TMOD3: variants seen among roughly 807,000 people sequenced by gnomAD.
TMOD3 encodes tropomodulin 3.
A neutral mutation model predicts 39.2 loss-of-function variants in TMOD3; 20 were observed. The observed-to-expected ratio is 0.51, with a 90% CI of 0.36 to 0.74. The LOEUF (loss-of-function observed/expected upper bound fraction) is 0.74. Ranked by LOEUF, TMOD3 falls within the 30% of genes least tolerant of loss-of-function variation. TMOD3 has a pLI of 0.00. For missense variants in TMOD3, 381 were observed against 412.8 expected, an observed-to-expected ratio of 0.92 and a Z score of 0.67; for synonymous variants, 143 against 145.8, an observed-to-expected ratio of 0.98 and a Z score of 0.14.
chr15:51,896,167 A>G (rs999836825), intron 6 of TMOD3, among the ~76,000 whole-genome samples: 1 of 152,192 alleles, frequency 6.6e-6, no homozygotes, highest in Non-Finnish European at 1.5e-5. Flanking sequence ...AATTTTTTTT[A>G]ACCTAAATGC....
chr15:51,880,466 C>G (rs1046516342), intron 3 of TMOD3, among the ~76,000 whole-genome samples: 1 of 152,148 alleles, frequency 6.6e-6, no homozygotes, highest in Non-Finnish European at 1.5e-5. Context: ...AGAAAGAAAC[C>G]CTGTGCACGT....
In TMOD3 at chr15:51,893,944, A is replaced by G. The variant is rs752731498; in HGVS notation, c.626A>G (p.Lys209Arg). 4.4e-6 allele frequency: 7 copies of G among 1,599,476 alleles called. No individual in the cohort carries two copies. In the African/African-American group the frequency reaches 9.4e-5, roughly 21 times the overall value. ...HLVEVNLNNI[K>R]NIPIPTLKDF... ...GTTGAAGTTAATTTGAATAATATAA[A>G]GGTAAGTGTGCTAATCAGAGTGGTT... Residue 209 changes from lysine (K) to arginine (R), a missense_variant and splice_region_variant, in exon 6 of 10, where the codon AAG becomes AGG. Physicochemically the swap from Lys to Arg is conservative, Grantham distance 26 (BLOSUM62 2). Coordinates refer to ENST00000308580, the MANE Select transcript of TMOD3 (RefSeq NM_014547.5).
intron 3 of TMOD3, among the ~76,000 whole-genome samples, chr15:51,878,987 ATTTG>A (rs2056519149): frequency 6.6e-6 from 1 of 152,186 alleles, no homozygotes; most frequent in African/African-American, 2.4e-5. Context: ...AATTCTTAAC[ATTTG>A]TTGCAGCTGT....
At chr15:51,836,614 A>G (rs1159980210) in intron 1 of TMOD3, among the ~76,000 whole-genome samples, 1 of 151,528 alleles carries the variant, frequency 6.6e-6, no homozygotes, top group Admixed American at 6.6e-5. Context: ...AGTCCCAGCT[A>G]CCCGGGAGGC....
chr15:51,859,196 A>G (rs1016319138), intron 1 of TMOD3: 54 of 730,852 alleles, frequency 7.4e-5, no homozygotes, highest in African/African-American at 7.3e-4. Flanking sequence ...ACAAACGGCC[A>G]GTCTGATACA....
At chr15:51,866,684 A>G (rs1235593783) in intron 2 of TMOD3, among the ~76,000 whole-genome samples, 12 of 152,178 alleles carry the variant, frequency 7.9e-5, no homozygotes, top group Non-Finnish European at 1.6e-4. Flanking sequence ...GAAGGAAAGT[A>G]ACTTTTTATT....
At chr15:51,895,369 A>G (rs1381447989) in intron 6 of TMOD3, among the ~76,000 whole-genome samples, 1 of 151,870 alleles carries the variant, frequency 6.6e-6, no homozygotes, top group Non-Finnish European at 1.5e-5. Context: ...ACAGGCATCC[A>G]CCACCACACC....
intron 1 of TMOD3, among the ~76,000 whole-genome samples, chr15:51,850,124 C>T (rs1416262676): frequency 6.6e-6 from 1 of 151,880 alleles, no homozygotes; most frequent in African/African-American, 2.4e-5. Flanking sequence ...TAAAGTGGAG[C>T]CAAGAAGTAG....
At chr15:51,872,762 C>T (rs1346693043) in intron 3 of TMOD3, among the ~76,000 whole-genome samples, 1 of 151,954 alleles carries the variant, frequency 6.6e-6, no homozygotes, top group African/African-American at 2.4e-5. Flanking sequence ...CCCACACCCA[C>T]CTGAGGACCA....
At chr15:51,852,157 C>G (rs991485126) in intron 1 of TMOD3, among the ~76,000 whole-genome samples, 1 of 152,176 alleles carries the variant, frequency 6.6e-6, no homozygotes, top group African/African-American at 2.4e-5. Flanking sequence ...ACAAGTAATT[C>G]ATGGCGTAGG....
At chr15:51,890,240 C>G (rs1322492252) in intron 5 of TMOD3, among the ~76,000 whole-genome samples, 1 of 150,220 alleles carries the variant, frequency 6.7e-6, no homozygotes, top group Non-Finnish European at 1.5e-5. Flanking sequence ...ACCATCTTGG[C>G]TTACTGCAAC....
intron 1 of TMOD3, among the ~76,000 whole-genome samples, chr15:51,848,671 C>T (rs1323947384): frequency 2.0e-5 from 3 of 152,106 alleles, no homozygotes; most frequent in Non-Finnish European, 4.4e-5. Flanking sequence ...GATATTCATC[C>T]AAAGGGAATA....
chr15:51,837,912 G>A (rs1386441853), intron 1 of TMOD3, among the ~76,000 whole-genome samples: 1 of 152,120 alleles, frequency 6.6e-6, no homozygotes, highest in Non-Finnish European at 1.5e-5. Flanking sequence ...CCCACTGCCT[G>A]AATCTGGTAT....
chr15:51,862,630 AT>A (rs961429547), intron 1 of TMOD3, among the ~76,000 whole-genome samples, 180 bp from the exon 2 acceptor site: 17 of 149,638 alleles, frequency 1.1e-4, no homozygotes, highest in East Asian at 5.9e-4. Context: ...TTCCTGGTTG[AT>A]TTTTTTTTTC....
chr15:51,896,121 T>C (rs1400352419), intron 6 of TMOD3, among the ~76,000 whole-genome samples: 1 of 152,046 alleles, frequency 6.6e-6, no homozygotes, highest in Non-Finnish European at 1.5e-5. Context: ...AATACATAAA[T>C]AAATAAAAGG....
intron 3 of TMOD3, among the ~76,000 whole-genome samples, chr15:51,881,363 C>G (rs1235983599): frequency 6.6e-6 from 1 of 152,066 alleles, no homozygotes; most frequent in Non-Finnish European, 1.5e-5. Flanking sequence ...ATATATGGCT[C>G]AAAAATGTTT....
At chr15:51,887,494 T>C in intron 3 of TMOD3, 95 bp from the exon 4 acceptor site, 1 of 1,274,208 alleles carries the variant, frequency 7.8e-7, no homozygotes, top group Non-Finnish European at 1.1e-6. Flanking sequence ...AATCTTTTCC[T>C]TCAGGTTCAG....
chr15:51,889,037 T>A lies in TMOD3; in HGVS notation c.407-19T>A. 1 of 1,511,552 alleles carries A rather than the reference T, an allele frequency of 6.6e-7. No homozygotes were observed. The highest frequency in any genetic ancestry group is 1.2e-5 in the South Asian group (1 of 82,266). The allele number at this position is 1,511,552 out of a possible 1,614,324, so 93.6% of individuals were successfully genotyped here. On this transcript the variant is annotated intron_variant, in intron 4 of 9. Transcript: ENST00000308580. ...TTCATGTTTAAAACAATAAAAACTTTCTTTTTCTGTATTTATAGCAATTCT... is the reference window on the plus strand; with the variant it reads ...TTCATGTTTAAAACAATAAAAACTTACTTTTTCTGTATTTATAGCAATTCT...
At chr15:51,856,195 A>G (rs1323203948) in intron 1 of TMOD3, among the ~76,000 whole-genome samples, 1 of 152,188 alleles carries the variant, frequency 6.6e-6, no homozygotes, top group Non-Finnish European at 1.5e-5. Context: ...CCCAGGAAGC[A>G]GAGGCTGCAG....
Sources: gnomAD v4.1 joint callset for allele counts (sites outside exome capture counted in the v4.1 genomes callset) on GRCh38, gnomAD v4.1.1 for gene constraint, MANE v1.5 for transcripts, NCBI Gene and HGNC (gene_info 2026-07-23, HGNC 2026-07-21) for gene names.